KCNN2: variants seen among roughly 807,000 people sequenced by gnomAD.
The protein encoded by KCNN2 is potassium calcium-activated channel subfamily N member 2.
A neutral mutation model predicts 55.5 loss-of-function variants in KCNN2; 24 were observed. The observed-to-expected ratio is 0.43, with a 90% confidence interval of 0.31 to 0.61. The LOEUF (loss-of-function observed/expected upper bound fraction) is 0.61. Ranked by LOEUF, KCNN2 falls within the 20% of genes least tolerant of loss-of-function variation. The pLI, the probability that KCNN2 is intolerant of heterozygous loss-of-function variation, is 0.08. For missense variants in KCNN2, 754 were observed against 853.6 expected (o/e 0.88, Z 1.45); for synonymous variants, 431 against 336.1 (o/e 1.28, Z -3.09).
chr5:114,450,724 G>A (rs917881028), intron 3 of KCNN2, among the ~76,000 whole-genome samples: 7 of 152,220 alleles, frequency 4.6e-5, no homozygotes, highest in South Asian at 4.1e-4. Context: ...GAGTAATACC[G>A]CCCCCAGGGG....
At chr5:114,246,696 T>TTTCAAATGAATAACACAATA (rs1260848897) in intron 2 of KCNN2, among the ~76,000 whole-genome samples, 12 of 152,286 alleles carry the variant, frequency 7.9e-5, no homozygotes, top group Admixed American at 6.5e-4. Flanking sequence ...GGTTTTTAAC[T>TTTCAAATGAATAACACAATA]TTCAAATGAA....
At chr5:114,204,953 A>G (rs1393191861) in intron 1 of KCNN2, among the ~76,000 whole-genome samples, 5 of 152,238 alleles carry the variant, frequency 3.3e-5, no homozygotes, top group Non-Finnish European at 7.3e-5. Flanking sequence ...TTCAAACAAT[A>G]TGCTGAATAT....
intron 2 of KCNN2, among the ~76,000 whole-genome samples, chr5:114,242,097 A>C (rs957669865): frequency 1.1e-4 from 16 of 151,490 alleles, no homozygotes; most frequent in African/African-American, 3.9e-4. Flanking sequence ...AGTGGGTTAC[A>C]GAAGAGATAT....
chr5:114,213,685 C>A (rs1479828885), intron 1 of KCNN2, among the ~76,000 whole-genome samples: 3 of 152,018 alleles, frequency 2.0e-5, no homozygotes, highest in Non-Finnish European at 4.4e-5. Context: ...CAGTCCATTG[C>A]ATGCAATTTG....
intron 1 of KCNN2, among the ~76,000 whole-genome samples, chr5:114,100,924 T>A (rs1168992522): frequency 6.6e-6 from 1 of 151,860 alleles, no homozygotes; most frequent in Non-Finnish European, 1.5e-5. Context: ...ACATTACATT[T>A]TATATATAAT....
chr5:114,203,015 A>G (rs906112805), intron 1 of KCNN2, among the ~76,000 whole-genome samples: 1 of 152,216 alleles, frequency 6.6e-6, no homozygotes. Context: ...ATCCTTATTT[A>G]ACAAAGAAAT....
At chr5:114,437,724 ACT>A (rs1377414469) in intron 3 of KCNN2, among the ~76,000 whole-genome samples, 1 of 152,118 alleles carries the variant, frequency 6.6e-6, no homozygotes, top group Non-Finnish European at 1.5e-5. Context: ...TTTTTGTAGG[ACT>A]CTCTGGTGTA....
At chr5:114,159,048 G>T (rs1045429257) in intron 1 of KCNN2, among the ~76,000 whole-genome samples, 5 of 152,180 alleles carry the variant, frequency 3.3e-5, no homozygotes, top group African/African-American at 9.7e-5. Flanking sequence ...ATGTTGGAAA[G>T]GAGTGGTGAG....
chr5:114,419,471 C>A (rs1194489960), intron 3 of KCNN2, among the ~76,000 whole-genome samples: 1 of 152,178 alleles, frequency 6.6e-6, no homozygotes, highest in Non-Finnish European at 1.5e-5. Flanking sequence ...TGGGGTCAGA[C>A]AATGGATTTC....
chr5:114,383,464 CTTTT>C (rs66787954), intron 2 of KCNN2, among the ~76,000 whole-genome samples: 4 of 102,752 alleles, frequency 3.9e-5, no homozygotes, highest in East Asian at 3.8e-4. Flanking sequence ...CCACTAAATG[CTTTT>C]TTTTTTTTTT....
intron 5 of KCNN2, among the ~76,000 whole-genome samples, chr5:114,480,886 T>G (rs1391785984): frequency 6.6e-6 from 1 of 152,196 alleles, no homozygotes; most frequent in Non-Finnish European, 1.5e-5. Context: ...AAGAGCCGTC[T>G]ATGACAAATC....
intron 5 of KCNN2, among the ~76,000 whole-genome samples, chr5:114,473,414 T>A (rs1394692429): frequency 6.6e-6 from 1 of 152,172 alleles, no homozygotes; most frequent in Non-Finnish European, 1.5e-5. Flanking sequence ...TATGCCTACT[T>A]GTTTAGATTT....
rs2150041908 is a variant in KCNN2 at position 114,356,035 on chromosome 5, G to T, written c.-184-4910G>T. 1.3e-5 allele frequency among the ~76,000 whole-genome samples: 2 copies of T among 152,228 alleles called. 1 individual carries two copies. Among genetic ancestry groups the T allele is most frequent in the Non-Finnish European group, 2.9e-5 (2 of 67,976 alleles). ...CGAAAAAGCCAGTGAGGAAATGTCTGTGAGGCCCTTCACAGGTAGTTTCTA... is the reference window on the plus strand; with the variant it reads ...CGAAAAAGCCAGTGAGGAAATGTCTTTGAGGCCCTTCACAGGTAGTTTCTA... On this transcript the variant is annotated intron_variant, in intron 2 of 10. Transcript: ENST00000512097.
intron 2 of KCNN2, among the ~76,000 whole-genome samples, chr5:114,288,381 G>A (rs1024893697): frequency 3.3e-5 from 5 of 151,972 alleles, no homozygotes; most frequent in African/African-American, 9.7e-5. Flanking sequence ...TGGAAATTCT[G>A]TGTTAAACTT....
chr5:114,410,099 G>A (rs576566681), intron 3 of KCNN2, among the ~76,000 whole-genome samples: 5 of 152,142 alleles, frequency 3.3e-5, no homozygotes, highest in Non-Finnish European at 7.3e-5. Context: ...GCTGCTAAGC[G>A]ATCTCATGTT....
intron 2 of KCNN2, among the ~76,000 whole-genome samples, chr5:114,299,063 G>T (rs1451187464): frequency 1.3e-5 from 2 of 152,084 alleles, no homozygotes; most frequent in Non-Finnish European, 2.9e-5. Context: ...GTATAATAAT[G>T]TCAGTAAGAA....
rs1229663541 is a variant in KCNN2, at chr5:114,272,407, ACATATCTACACACATATGTAC to A, written c.-185+50843_-185+50863del. 7.5e-3 allele frequency among the ~76,000 whole-genome samples: 128 copies of A among 17,172 alleles called. 1 individual carries two copies. The highest frequency in any genetic ancestry group is 3.2e-3 in the Non-Finnish European group (13 of 4,040). 11.3% of individuals were successfully genotyped at this position (17,172 alleles called of 152,430 possible). A position where few individuals can be genotyped will look rare whatever the true frequency, so the allele number is the denominator to read the frequency against. Reference sequence around the variant, plus strand: ...CATATATACACACATATATGTATGTACATATCTACACACATATGTACGTACATATCATATACACACATATGT... The same window carrying A: ...CATATATACACACATATATGTATGTAGTACATATCATATACACACATATGT... On this transcript the variant is annotated intron_variant, in intron 2 of 10. Transcript: ENST00000512097.
intron 1 of KCNN2, among the ~76,000 whole-genome samples, chr5:114,202,871 C>A (rs768069491): frequency 4.6e-5 from 7 of 152,036 alleles, no homozygotes; most frequent in Admixed American, 6.5e-5. Flanking sequence ...CAGGCGTGAG[C>A]CACCGCACCC....
chr5:114,065,846 GTTTTTTTTTTTTTTTTTTTTTTTTTT>G (rs56127808), intron 1 of KCNN2, among the ~76,000 whole-genome samples: 1 of 45,196 alleles, frequency 2.2e-5, no homozygotes, highest in Non-Finnish European at 3.8e-5. Context: ...TCCTATGCAG[GTTTTTTTTTTTTTTTTTTTTTTTTTT>G]TTTTTTTTTT....
Sources: allele counts gnomAD v4.1 joint callset (sites outside exome capture counted in the v4.1 genomes callset), GRCh38; gene constraint gnomAD v4.1.1; transcripts MANE v1.5; gene names NCBI Gene and HGNC (gene_info 2026-07-23, HGNC 2026-07-21).